Variants in STK32C observed in about 807,000 individuals in gnomAD.
The protein encoded by STK32C is serine/threonine kinase 32C, also known as serine/threonine-protein kinase 32C.
In STK32C, 31 loss-of-function variants were observed where a neutral mutation model predicts 56.5. The observed-to-expected ratio is 0.55, with a 90% CI of 0.41 to 0.74. The LOEUF (loss-of-function observed/expected upper bound fraction) is 0.74, where lower values mean the gene tolerates loss of function less well. STK32C is among the 30% of genes least tolerant of loss of function. STK32C has a pLI of 0.00. For synonymous variants in STK32C, 309 were observed against 289.4 expected (o/e 1.07, Z -0.69); for missense variants, 544 against 676.9 (o/e 0.80, Z 2.18).
rs1189818472 is a variant in STK32C, at chr10:132,222,678, T to C, written c.1214A>G (p.Asn405Ser). The C allele has an allele frequency of 2.5e-6, 4 of 1,613,176 alleles. No individual in the cohort carries two copies. The highest frequency in any genetic ancestry group is 3.4e-6 in the Non-Finnish European group (4 of 1,179,944). ...GTCCCTGCTGTTGTCCCGGGACTTG[T>C]TCTTGGCCAGACGCTTCTTCTTCTT... ...LHKKKKRLAK[N>S]KSRDNSRDSS... is the part of the protein sequence containing the mutation. The change falls in exon 10 of 12, where the codon AAC (asparagine) becomes AGC (serine). Residue 405 changes from asparagine (N) to serine (S), a missense_variant. Physicochemically the swap from Asn to Ser is conservative, Grantham distance 46 (BLOSUM62 1). Around this residue, in one of 3 missense-constraint regions of STK32C, gnomAD observed 277 missense variants for 309.3 expected, o/e 0.90. Transcript: ENST00000298630.
rs776499954 is a variant in STK32C at position 132,245,990 on chromosome 10, G to T, written c.263-35C>A. 6 of 1,606,800 alleles carry T rather than the reference G, an allele frequency of 3.7e-6. No individual in the cohort carries two copies. In the African/African-American group the frequency reaches 8.0e-5, roughly 21 times the overall value. On this transcript the variant is annotated intron_variant, in intron 1 of 11. Coordinates refer to ENST00000298630, the MANE Select transcript of STK32C (RefSeq NM_173575.4). ...AAAACAGAGGGACACCTGGTGAGGT[G>T]GCAGCAAGGCCCCACCCCAGAGCAG...
exon 1 of STK32C, chr10:132,331,627 C>A (rs757898090): frequency 2.2e-5 from 36 of 1,612,778 alleles, no homozygotes; most frequent in Non-Finnish European, 2.8e-5. Flanking sequence ...GGACAGGCAG[C>A]GAGGACCGCT....
intron 7 of STK32C, 26 bp from the exon 8 acceptor site, chr10:132,224,549 C>A (rs1248871545): frequency 6.4e-7 from 1 of 1,559,014 alleles, no homozygotes; most frequent in Non-Finnish European, 8.7e-7. Flanking sequence ...CAGTGCTGGG[C>A]AGGTCCTCCT....
At chr10:132,290,706 G>A (rs4880247) in intron 1 of STK32C, among the ~76,000 whole-genome samples, 43 of 152,280 alleles carry the variant, frequency 2.8e-4, no homozygotes, top group African/African-American at 8.2e-4. Context: ...GCCCTGGGGC[G>A]CTGGACATTG....
intron 5 of STK32C, 61 bp from the exon 6 acceptor site, chr10:132,225,677 G>A (rs1459850708): frequency 6.2e-7 from 1 of 1,610,390 alleles, no homozygotes; most frequent in Non-Finnish European, 8.5e-7. Flanking sequence ...TTGCGTGCAG[G>A]ATCCTCCTCC....
chr10:132,230,688 G>GGGGC (rs2063068680), intron 2 of STK32C, among the ~76,000 whole-genome samples: 3 of 142,646 alleles, frequency 2.1e-5, no homozygotes, highest in Admixed American at 2.0e-4. Context: ...GCGGGGGGGG[G>GGGGC]GGGGCTGCAG....
chr10:132,310,390 G>A (rs1229442041), upstream of STK32C, among the ~76,000 whole-genome samples: 8 of 152,214 alleles, frequency 5.3e-5, no homozygotes, highest in Non-Finnish European at 1.0e-4. This position sits in a 1 kb window ranked among gnomAD's most constrained non-coding sequence, Gnocchi z 4.6. Context: ...CTCTTGTACT[G>A]TCCAGCCACG....
intron 1 of STK32C, among the ~76,000 whole-genome samples, chr10:132,287,042 C>CA (rs1398747758): frequency 6.6e-6 from 1 of 152,178 alleles, no homozygotes; most frequent in African/African-American, 2.4e-5. Context: ...ACAATATAAG[C>CA]AATAGATTTC....
At chr10:132,299,796 C>T (rs10870290) in intron 1 of STK32C, among the ~76,000 whole-genome samples, 44,916 of 152,178 alleles carry the variant, frequency 0.3, 7,017 homozygotes, top group Non-Finnish European at 0.34. Context: ...GAACAGGACC[C>T]GGTTTGAGAA....
At chr10:132,252,430 C>T (rs377307760) in intron 1 of STK32C, among the ~76,000 whole-genome samples, 40 of 152,396 alleles carry the variant, frequency 2.6e-4, no homozygotes, top group African/African-American at 8.4e-4. Flanking sequence ...TGGTCTGTCA[C>T]GCTCCTCGGC....
intron 7 of STK32C, 140 bp from the exon 8 acceptor site, chr10:132,224,663 C>G (rs1273904374): frequency 7.5e-6 from 5 of 668,320 alleles, no homozygotes; most frequent in South Asian, 1.7e-5. Context: ...CACAGCCTGG[C>G]CTCCACCTGC....
intron 2 of STK32C, among the ~76,000 whole-genome samples, chr10:132,232,852 C>G (rs923559992): frequency 1.3e-5 from 2 of 152,056 alleles, no homozygotes; most frequent in Non-Finnish European, 2.9e-5. Context: ...CAGCGCCACC[C>G]GGAACAGGCT....
rs117803894 is a variant in STK32C at position 132,209,424 on chromosome 10, G to A, written c.1252-323C>T. The A allele has an allele frequency of 7.0e-3, 3,925 of 558,918 alleles. 26 individuals carry two copies. Among genetic ancestry groups the A allele is most frequent in the Non-Finnish European group, 9.0e-3 (2,641 of 293,424 alleles). 34.6% of individuals were successfully genotyped at this position (558,918 alleles called of 1,614,324 possible). A position where few individuals can be genotyped will look rare whatever the true frequency, so the allele number is the denominator to read the frequency against. On this transcript the variant is annotated intron_variant, in intron 10 of 11. Transcript: ENST00000298630. ...CTTTGCTGGAAACCACTCCCTTGCCGGGCCTTTCCCGTCTCATACCGGGTT... is the reference window on the plus strand; with the variant it reads ...CTTTGCTGGAAACCACTCCCTTGCCAGGCCTTTCCCGTCTCATACCGGGTT...
chr10:132,295,195 T>C (rs1183340407), intron 1 of STK32C, among the ~76,000 whole-genome samples: 1 of 151,898 alleles, frequency 6.6e-6, no homozygotes, highest in East Asian at 1.9e-4. Flanking sequence ...CTTCGTACTT[T>C]AAAAAGATCA....
At chr10:132,218,855 A>G (rs770453310) in intron 10 of STK32C, among the ~76,000 whole-genome samples, 5 of 152,256 alleles carry the variant, frequency 3.3e-5, no homozygotes, top group Admixed American at 3.3e-4. Flanking sequence ...CATATGTGGA[A>G]TATTACTCAG....
Position 132,282,672 on chromosome 10 carries a change from G to A in STK32C, c.262+24900C>T, listed in dbSNP as rs117253090. On this transcript the variant is annotated intron_variant, in intron 1 of 11. Coordinates refer to ENST00000298630, the MANE Select transcript of STK32C (RefSeq NM_173575.4). ...ACAACAAAATAATAATAACAACGAC[G>A]ACGAAGTCAGCTTGCCATTAAGGAA... Among the ~76,000 whole-genome samples, 635 of 152,332 alleles carry A rather than the reference G, an allele frequency of 4.2e-3. 1 individual carries two copies. The highest frequency in any genetic ancestry group is 7.7e-3 in the Non-Finnish European group (523 of 68,034).
At chr10:132,294,924 G>A (rs941079487) in intron 1 of STK32C, among the ~76,000 whole-genome samples, 16 of 152,252 alleles carry the variant, frequency 1.1e-4, no homozygotes, top group Middle Eastern at 3.4e-3. Context: ...TGTATGACAC[G>A]GGTAAATCAT....
In STK32C at chr10:132,307,524, C is replaced by T. The variant is rs61864501; in HGVS notation, c.262+48G>A. The T allele has an allele frequency of 0.016, 24,258 of 1,514,826 alleles. 266 individuals are homozygous for T. Among genetic ancestry groups the T allele is most frequent in the Middle Eastern group, 0.022 (96 of 4,290 alleles). 93.8% of individuals were successfully genotyped at this position (1,514,826 alleles called of 1,614,324 possible). ...GAAAAAGCCGCCCAGCCGCGCCCGC[C>T]CCTGCAATAGCGCGCGGCCCCCACG... On this transcript the variant is annotated intron_variant, in intron 1 of 11. Coordinates refer to ENST00000298630, the MANE Select transcript of STK32C (RefSeq NM_173575.4). The surrounding 1 kb of genome is among the most constrained non-coding windows in gnomAD (Gnocchi z 4.4).
At chr10:132,279,420 T>C (rs945542308) in intron 1 of STK32C, among the ~76,000 whole-genome samples, 4 of 152,114 alleles carry the variant, frequency 2.6e-5, no homozygotes, top group African/African-American at 9.7e-5. Flanking sequence ...CTCCTCTTCA[T>C]GTAAATGACA....
Sources: gnomAD v4.1 joint callset for allele counts (sites outside exome capture counted in the v4.1 genomes callset) on GRCh38, gnomAD v4.1.1 for gene constraint, gnomAD v4.1.1 regional missense constraint, Gnocchi (gnomAD v3.1) non-coding constraint, MANE v1.5 for transcripts, NCBI Gene and HGNC (gene_info 2026-07-23, HGNC 2026-07-21) for gene names.